Variants in KIFAP3 observed in about 807,000 individuals in gnomAD.
KIFAP3 encodes the protein kinesin-associated protein 3.
A neutral mutation model predicts 106.5 loss-of-function variants in KIFAP3; 68 were observed. That is an observed-to-expected ratio of 0.64 (90% confidence interval 0.53 to 0.78). The LOEUF (loss-of-function observed/expected upper bound fraction) is 0.78, where lower values mean the gene tolerates loss of function less well. KIFAP3 is among the 30% of genes least tolerant of loss of function. KIFAP3 has a pLI of 0.00. For synonymous variants in KIFAP3, 320 were observed against 311.5 expected (o/e 1.03, Z -0.29); for missense variants, 780 against 941.8 (o/e 0.83, Z 2.25).
intron 19 of KIFAP3, among the ~76,000 whole-genome samples, chr1:169,943,689 T>C (rs529553454): frequency 6.6e-6 from 1 of 152,336 alleles, no homozygotes; most frequent in East Asian, 1.9e-4. Flanking sequence ...ATAAGAACCG[T>C]CATCCTTGCT....
intron 3 of KIFAP3, chr1:170,041,743 T>C (rs1669990958): frequency 2.0e-6 from 3 of 1,534,618 alleles, no homozygotes; most frequent in African/African-American, 2.7e-5. Flanking sequence ...CGGTAAGTGT[T>C]GCCAAGGGCA....
intron 14 of KIFAP3, 63 bp downstream of exon 14, chr1:169,982,639 C>T: frequency 2.7e-6 from 3 of 1,130,788 alleles, no homozygotes; most frequent in Non-Finnish European, 3.7e-6. Flanking sequence ...GCTCTAGCAG[C>T]CTTATCCATA....
intron 10 of KIFAP3, among the ~76,000 whole-genome samples, chr1:170,012,850 G>C (rs1306702351): frequency 6.6e-6 from 1 of 152,152 alleles, no homozygotes; most frequent in South Asian, 2.1e-4. Flanking sequence ...AGAAGAGCTT[G>C]TGTAGGGGAA....
chr1:169,954,150 G>T, intron 18 of KIFAP3, 40 bp from the exon 19 acceptor site: 1 of 1,234,634 alleles, frequency 8.1e-7, no homozygotes, highest in Non-Finnish European at 1.2e-6. Flanking sequence ...AAACATATGT[G>T]TAGGAAAAAC....
chr1:169,927,729 T>G (rs1457280459), intron 19 of KIFAP3, among the ~76,000 whole-genome samples: 12 of 152,178 alleles, frequency 7.9e-5, no homozygotes. Flanking sequence ...TGGAGCAGCC[T>G]GAGCAACAGA....
At chr1:169,984,100 T>A (rs665774) in intron 12 of KIFAP3, among the ~76,000 whole-genome samples, 5 of 151,636 alleles carry the variant, frequency 3.3e-5, no homozygotes, top group Non-Finnish European at 4.4e-5. Flanking sequence ...TATCTGTGGA[T>A]GGTAGGAAAT....
chr1:169,924,913 T>C (rs191147513), intron 19 of KIFAP3, among the ~76,000 whole-genome samples: 30 of 152,296 alleles, frequency 2.0e-4, no homozygotes, highest in African/African-American at 7.2e-4. Context: ...TTCAATAGTG[T>C]GTATCACAGG....
At chr1:170,008,939 T>C (rs1370129687) in intron 10 of KIFAP3, among the ~76,000 whole-genome samples, 1 of 152,002 alleles carries the variant, frequency 6.6e-6, no homozygotes, top group African/African-American at 2.4e-5. Context: ...TATGCAGCCA[T>C]AAAAAAGGAT....
intron 9 of KIFAP3, among the ~76,000 whole-genome samples, chr1:170,020,496 C>T (rs1176516497): frequency 6.6e-6 from 1 of 152,034 alleles, no homozygotes; most frequent in Non-Finnish European, 1.5e-5. Flanking sequence ...GCTCTGTCGC[C>T]CAGGCTGGAG....
At chr1:170,001,224 A>G (rs1022591123) in intron 10 of KIFAP3, among the ~76,000 whole-genome samples, 1 of 152,144 alleles carries the variant, frequency 6.6e-6, no homozygotes, top group Admixed American at 6.6e-5. Flanking sequence ...TGTGGTACAA[A>G]TGATAAGGAT....
At chr1:170,014,053 T>C (rs1668384635) in intron 10 of KIFAP3, among the ~76,000 whole-genome samples, 1 of 152,204 alleles carries the variant, frequency 6.6e-6, no homozygotes, top group African/African-American at 2.4e-5. Context: ...CCCTTTCCTT[T>C]TGCCTCATAC....
intron 15 of KIFAP3, among the ~76,000 whole-genome samples, chr1:169,978,472 A>G (rs144578033): frequency 2.0e-5 from 3 of 152,152 alleles, no homozygotes; most frequent in African/African-American, 4.8e-5. Flanking sequence ...AAAAATTATT[A>G]TACCTTCTAA....
intron 10 of KIFAP3, among the ~76,000 whole-genome samples, chr1:170,002,648 T>C (rs1206208378): frequency 2.0e-5 from 3 of 152,206 alleles, no homozygotes; most frequent in South Asian, 2.1e-4. Flanking sequence ...TTCAGTGCCA[T>C]ACGTTTATCA....
At chr1:170,043,847 C>T (rs945413170) in intron 3 of KIFAP3, among the ~76,000 whole-genome samples, 3 of 151,972 alleles carry the variant, frequency 2.0e-5, no homozygotes, top group African/African-American at 7.3e-5. Context: ...GAAATAAAGG[C>T]CTTAATTGCT....
chr1:170,039,432 T>TA (rs1252719754), intron 3 of KIFAP3, 144 bp from the exon 4 acceptor site: 1 of 538,082 alleles, frequency 1.9e-6, no homozygotes, highest in African/African-American at 1.9e-5. Context: ...TCTCAATGCA[T>TA]AAAAATGTTC....
At position 170,039,259 on chromosome 1, in the gene KIFAP3, C is replaced by T. The variant is rs1557856553; in HGVS notation, c.349G>A (p.Asp117Asn). 1.2e-6 allele frequency: 2 copies of T among 1,601,284 alleles called. No individual in the cohort carries two copies. Among genetic ancestry groups the T allele is most frequent in the Admixed American group, 1.7e-5 (1 of 59,532 alleles). ...TCCATTCCTTCAAAAGGAGGTGGAT[C>T]TTTAGGCTTGCTTGATTTTTCTTTT... is the stretch of plus-strand genomic sequence containing the variant. ...EKKEKSSKPK[D>N]PPPFEGMEID... Residue 117 changes from aspartate (D) to asparagine (N), a missense_variant, in exon 4 of 20, where the codon GAT becomes AAT. This residue lies in a region of KIFAP3 where 588 missense variants were observed against 678.9 expected (regional missense o/e 0.87). Coordinates refer to ENST00000361580, the MANE Select transcript of KIFAP3 (RefSeq NM_014970.4).
At chr1:169,949,143 T>C (rs1664601471) in intron 19 of KIFAP3, among the ~76,000 whole-genome samples, 1 of 151,632 alleles carries the variant, frequency 6.6e-6, no homozygotes, top group Non-Finnish European at 1.5e-5. Context: ...TGATTTAATA[T>C]TTGAAAAAAA....
chr1:170,016,805 T>C (rs1668546688), intron 9 of KIFAP3, among the ~76,000 whole-genome samples, 181 bp from the exon 10 acceptor site: 1 of 152,224 alleles, frequency 6.6e-6, no homozygotes. Context: ...AGAAAATATA[T>C]ATGCCACATC....
At chr1:169,933,572 CTT>C (rs1283964391) in intron 19 of KIFAP3, among the ~76,000 whole-genome samples, 1 of 152,060 alleles carries the variant, frequency 6.6e-6, no homozygotes, top group African/African-American at 2.4e-5. Flanking sequence ...TTTGGTCACA[CTT>C]TGCATTGACA....
Sources: allele counts gnomAD v4.1 joint callset (sites outside exome capture counted in the v4.1 genomes callset), GRCh38; gene constraint gnomAD v4.1.1; regional missense constraint gnomAD v4.1.1; transcripts MANE v1.5; gene names NCBI Gene and HGNC (gene_info 2026-07-23, HGNC 2026-07-21).